The following CDIN1 variants were observed in gnomAD, a reference collection of about 807,000 sequenced individuals.
CDIN1 encodes CDAN1 interacting nuclease 1.
A neutral mutation model predicts 45.3 loss-of-function variants in CDIN1; 33 were observed. That is an observed-to-expected ratio of 0.73 (90% confidence interval 0.55 to 0.97). The LOEUF is 0.97. Ranked by LOEUF, CDIN1 falls within the 50% of genes least tolerant of loss-of-function variation. The pLI is 0.00. For synonymous variants in CDIN1, 118 were observed against 124.4 expected (o/e 0.95, Z 0.34); for missense variants, 303 against 339.4 (o/e 0.89, Z 0.84).
At position 36,618,032 on chromosome 15, in the gene CDIN1, C is replaced by G. The variant is rs138029834; in HGVS notation, c.102-26246C>G. On this transcript the variant is annotated intron_variant, in intron 1 of 10. Coordinates refer to ENST00000566621, the MANE Select transcript of CDIN1 (RefSeq NM_001321759.2). ...GCAGCCTGTATATAATCTTCACCAG[C>G]AGTTCTCGGTCTATAGTATTATTCC... is the stretch of plus-strand genomic sequence containing the variant. 5.1e-6 allele frequency: 4 copies of G among 781,380 alleles called. No homozygotes were observed. The East Asian group carries it at 7.4e-5, about 14-fold the overall frequency. The allele number at this position is 781,380 out of a possible 1,614,324, so 48.4% of individuals were successfully genotyped here.
At chr15:36,647,997 G>A (rs1238420709) in intron 3 of CDIN1, among the ~76,000 whole-genome samples, 2 of 151,862 alleles carry the variant, frequency 1.3e-5, no homozygotes, top group African/African-American at 4.8e-5. Context: ...CCGCCACCAC[G>A]CCCGGCTAAT....
intron 10 of CDIN1, among the ~76,000 whole-genome samples, chr15:36,755,493 C>G (rs2053587123): frequency 6.6e-6 from 1 of 152,098 alleles, no homozygotes; most frequent in South Asian, 2.1e-4. Context: ...GAAGAGTACT[C>G]ATTTTTATTG....
intron 10 of CDIN1, among the ~76,000 whole-genome samples, chr15:36,751,201 T>C (rs1235038934): frequency 1.5e-5 from 2 of 133,970 alleles, no homozygotes; most frequent in African/African-American, 2.7e-5. Context: ...TCCATTTTTA[T>C]TGATAAAAGC....
chr15:36,656,452 C>G (rs12708545), intron 4 of CDIN1, among the ~76,000 whole-genome samples: 145,293 of 152,194 alleles, frequency 0.95, 69,360 homozygotes, highest in East Asian at 1. Context: ...AACATTTTAG[C>G]AATTCACACT....
chr15:36,613,590 G>A lies in CDIN1; in HGVS notation c.102-30688G>A, dbSNP rs935839107. On this transcript the variant is annotated intron_variant, in intron 1 of 10. Coordinates refer to ENST00000566621, the MANE Select transcript of CDIN1 (RefSeq NM_001321759.2). ...CAGCAAGAAGTTGAGGGAGAAAGGC[G>A]GGCCCGGGAACAGGCTGAGGCTGAG... is the stretch of plus-strand genomic sequence containing the variant. 1.0e-4 allele frequency: 147 copies of A among 1,473,382 alleles called. 1 individual carries two copies. Among genetic ancestry groups the A allele is most frequent in the Admixed American group, 4.9e-4 (29 of 59,786 alleles). The allele number at this position is 1,473,382 out of a possible 1,614,324, so 91.3% of individuals were successfully genotyped here. A position where few individuals can be genotyped will look rare whatever the true frequency, so the allele number is the denominator to read the frequency against.
intron 10 of CDIN1, among the ~76,000 whole-genome samples, chr15:36,777,509 C>T (rs780619574): frequency 6.6e-6 from 1 of 152,070 alleles, no homozygotes; most frequent in Non-Finnish European, 1.5e-5. Context: ...GTCAAGGCCA[C>T]ACACAGTCAA....
At chr15:36,611,752 GC>G (rs1180576228) in intron 1 of CDIN1, among the ~76,000 whole-genome samples, 5 of 152,142 alleles carry the variant, frequency 3.3e-5, no homozygotes, top group African/African-American at 1.2e-4. Flanking sequence ...CATCAGCAAG[GC>G]ATTTGCCTTT....
intron 8 of CDIN1, chr15:36,705,856 G>A (rs923112638): frequency 6.6e-5 from 10 of 152,194 alleles, no homozygotes; most frequent in East Asian, 1.9e-4. Context: ...TTGAAGATTG[G>A]TTTCATATTG....
intron 1 of CDIN1, among the ~76,000 whole-genome samples, chr15:36,599,320 A>G (rs1396982480): frequency 6.6e-6 from 1 of 152,240 alleles, no homozygotes; most frequent in Admixed American, 6.5e-5. Flanking sequence ...TAACACAGAC[A>G]TGGAGCCATT....
At chr15:36,632,938 C>T (rs990121900) in intron 1 of CDIN1, among the ~76,000 whole-genome samples, 5 of 152,082 alleles carry the variant, frequency 3.3e-5, no homozygotes, top group South Asian at 2.1e-4. Flanking sequence ...ATTTATGTTA[C>T]GACTTGTTCT....
At chr15:36,651,896 T>C (rs1323550255) in intron 3 of CDIN1, among the ~76,000 whole-genome samples, 2 of 152,258 alleles carry the variant, frequency 1.3e-5, no homozygotes, top group Non-Finnish European at 2.9e-5. Context: ...AATCATCTTC[T>C]GTTTCTTTAA....
intron 5 of CDIN1, among the ~76,000 whole-genome samples, chr15:36,659,458 G>C (rs557549430): frequency 6.6e-6 from 1 of 152,266 alleles, no homozygotes; most frequent in South Asian, 2.1e-4. Context: ...CAAGGAAAGG[G>C]TATTTCAAGA....
At chr15:36,687,769 A>G (rs918246095) in intron 5 of CDIN1, among the ~76,000 whole-genome samples, 2 of 152,200 alleles carry the variant, frequency 1.3e-5, no homozygotes, top group African/African-American at 4.8e-5. Flanking sequence ...AACCTACTAG[A>G]CATATCTGAA....
intron 10 of CDIN1, among the ~76,000 whole-genome samples, chr15:36,718,811 GCTT>G (rs2043302076): frequency 1.2e-5 from 1 of 80,688 alleles, no homozygotes; most frequent in African/African-American, 5.3e-5. Context: ...CAATTTGTAT[GCTT>G]TTTTTTTTTT....
chr15:36,639,370 C>T (rs569920326), intron 1 of CDIN1, among the ~76,000 whole-genome samples: 1 of 110,988 alleles, frequency 9.0e-6, no homozygotes, highest in South Asian at 2.5e-4. Context: ...TTTTGGGAGG[C>T]CAAGGTGGGG....
chr15:36,750,202 A>G (rs767185282), intron 10 of CDIN1, among the ~76,000 whole-genome samples: 1 of 152,072 alleles, frequency 6.6e-6, no homozygotes, highest in Non-Finnish European at 1.5e-5. Flanking sequence ...ACATTTTTGT[A>G]TGTTCCTTAT....
At chr15:36,801,931 G>A (rs569278827) in intron 10 of CDIN1, among the ~76,000 whole-genome samples, 145 of 152,254 alleles carry the variant, frequency 9.5e-4, no homozygotes, top group Non-Finnish European at 1.7e-3. Flanking sequence ...CAAACTTAGA[G>A]TTATTCCCTG....
At chr15:36,720,540 T>C (rs2043377213) in intron 10 of CDIN1, among the ~76,000 whole-genome samples, 1 of 151,842 alleles carries the variant, frequency 6.6e-6, no homozygotes, top group Non-Finnish European at 1.5e-5. Context: ...TGGTTTTCTG[T>C]CCTCGTGATA....
At chr15:36,718,882 C>A (rs2140871952) in intron 10 of CDIN1, among the ~76,000 whole-genome samples, 1 of 145,034 alleles carries the variant, frequency 6.9e-6, no homozygotes, top group East Asian at 2.1e-4. Context: ...ACATTGTTGC[C>A]TCACTGCTGA....
Sources: allele counts gnomAD v4.1 joint callset (sites outside exome capture counted in the v4.1 genomes callset), GRCh38; gene constraint gnomAD v4.1.1; transcripts MANE v1.5; gene names NCBI Gene and HGNC (gene_info 2026-07-23, HGNC 2026-07-21).